The following TRABD2A variants were observed in gnomAD, a reference collection of about 807,000 sequenced individuals.
TRABD2A encodes the protein TraB domain containing 2A.
A neutral mutation model predicts 45.6 loss-of-function variants in TRABD2A; 43 were observed. That is an observed-to-expected ratio of 0.94 (90% CI 0.74 to 1.22). The LOEUF is 1.22. Ranked by LOEUF, TRABD2A falls within the 50% of genes most tolerant of loss-of-function variation. The pLI, the probability that TRABD2A is intolerant of heterozygous loss-of-function variation, is 0.00. For synonymous variants in TRABD2A, 269 were observed against 265.0 expected (o/e 1.02, Z -0.15); for missense variants, 642 against 652.4 (o/e 0.98, Z 0.17).
At chr2:84,874,936 G>A (rs189287846) in intron 1 of TRABD2A, 176 of 166,426 alleles carry the variant, frequency 1.1e-3, no homozygotes, top group Non-Finnish European at 8.9e-4. Flanking sequence ...GGTCGTCAAC[G>A]TTGCTCAACA....
intron 1 of TRABD2A, among the ~76,000 whole-genome samples, chr2:84,877,161 G>T (rs1467532847): frequency 2.6e-5 from 4 of 152,106 alleles, no homozygotes; most frequent in Non-Finnish European, 5.9e-5. Flanking sequence ...CAGGCTGAAA[G>T]AAGAGTCTTC....
At chr2:84,846,166 T>C (rs1681888668) in intron 2 of TRABD2A, among the ~76,000 whole-genome samples, 1 of 152,210 alleles carries the variant, frequency 6.6e-6, no homozygotes, top group Non-Finnish European at 1.5e-5. Context: ...CACTCTTCTT[T>C]TAAGGAAGTT....
chr2:84,844,400 G>A (rs960241343), intron 2 of TRABD2A, among the ~76,000 whole-genome samples: 5 of 152,078 alleles, frequency 3.3e-5, no homozygotes, highest in Admixed American at 6.5e-5. Context: ...TTCACCTTCC[G>A]CCATGATTGT....
At position 84,874,978 on chromosome 2, in the gene TRABD2A, T is replaced by C. The variant is rs867264007; in HGVS notation, c.109-4193A>G. 2.4e-5 allele frequency: 4 copies of C among 166,058 alleles called. No homozygotes were observed. The South Asian group carries it at 4.3e-4, about 18-fold the overall frequency. The allele number at this position is 166,058 out of a possible 1,614,324, so 10.3% of individuals were successfully genotyped here. ...TCACCAATCTTTAGCCAGAGAACTT[T>C]CTGGAACCATTAAAGAGATCCTGGG... On this transcript the variant is annotated intron_variant, in intron 1 of 6. Transcript: ENST00000409520.
At chr2:84,841,784 T>C in intron 3 of TRABD2A, 77 bp downstream of exon 3, 3 of 1,408,758 alleles carry the variant, frequency 2.1e-6, no homozygotes, top group Non-Finnish European at 2.8e-6. Flanking sequence ...GTACACAGGA[T>C]GTACATGTTG....
rs866105594 is a variant in TRABD2A at position 84,879,444 on chromosome 2, G to T, written c.108+1488C>A. 9 of 278,868 alleles carry T rather than the reference G, an allele frequency of 3.2e-5. No homozygotes were observed. The South Asian group carries it at 1.1e-3, about 34-fold the overall frequency. 17.3% of individuals were successfully genotyped at this position (278,868 alleles called of 1,614,324 possible). A position where few individuals can be genotyped will look rare whatever the true frequency, so the allele number is the denominator to read the frequency against. ...TGATCCACCGCCTTGGCCTCCCAAA[G>T]TGCTGGGATTACAGGAGTGAGCTAC... On this transcript the variant is annotated intron_variant, in intron 1 of 6. Transcript: ENST00000409520.
chr2:84,822,170 A>C, intron 6 of TRABD2A, 70 bp from the exon 7 acceptor site: 2 of 1,334,800 alleles, frequency 1.5e-6, no homozygotes, highest in Non-Finnish European at 2.0e-6. Flanking sequence ...AGGCCCCCAA[A>C]TGCCCACACA....
chr2:84,842,156 C>G (rs1438426070), intron 2 of TRABD2A, 149 bp from the exon 3 acceptor site: 1 of 800,236 alleles, frequency 1.2e-6, no homozygotes, highest in African/African-American at 1.7e-5. Flanking sequence ...ACACAAATCC[C>G]TGGACAGCAT....
intron 2 of TRABD2A, among the ~76,000 whole-genome samples, chr2:84,866,424 C>T (rs2105404806): frequency 6.6e-6 from 1 of 152,222 alleles, no homozygotes; most frequent in East Asian, 1.9e-4. Flanking sequence ...GCCCATATGC[C>T]TCTTATTTGC....
chr2:84,841,120 C>T (rs1681696626), intron 3 of TRABD2A, among the ~76,000 whole-genome samples: 1 of 152,232 alleles, frequency 6.6e-6, no homozygotes, highest in Non-Finnish European at 1.5e-5. Flanking sequence ...ACTCCCCTAC[C>T]TCAGAAGTTT....
At chr2:84,870,822 G>A (rs1441093357) in intron 1 of TRABD2A, 37 bp from the exon 2 acceptor site, 1 of 1,507,298 alleles carries the variant, frequency 6.6e-7, no homozygotes, top group South Asian at 1.3e-5. Context: ...GTATAATATG[G>A]GGGAGAGGCA....
chr2:84,870,648 G>T lies in TRABD2A; in HGVS notation c.246C>A (p.Ser82Arg), dbSNP rs1573954544. 5 of 1,611,956 alleles carry T rather than the reference G, an allele frequency of 3.1e-6. No individual in the cohort carries two copies. In the East Asian group the frequency reaches 1.1e-4, roughly 36 times the overall value. The change falls in exon 2 of 7, where the codon AGC becomes AGA. Residue 82 changes from serine to arginine, a missense_variant. Ser to Arg is a moderately radical substitution (Grantham distance 110, BLOSUM62 -1). Transcript: ENST00000409520. Reference sequence around the variant, plus strand: ...TGAGATCCAACTCAAAGTACACAATGCTGCTCTGCAGGAAAGCCTCCTTAG... The same window carrying T: ...TGAGATCCAACTCAAAGTACACAATTCTGCTCTGCAGGAAAGCCTCCTTAG... ...DNSKEAFLQS[S>R]IVYFELDLTD...
intron 4 of TRABD2A, 71 bp downstream of exon 4, chr2:84,839,078 T>C: frequency 6.4e-7 from 1 of 1,560,984 alleles, no homozygotes; most frequent in South Asian, 1.2e-5. Flanking sequence ...AAGCAGGGGC[T>C]CACCTCAACA....
intron 1 of TRABD2A, among the ~76,000 whole-genome samples, chr2:84,877,128 C>T (rs912923046): frequency 2.0e-5 from 3 of 152,178 alleles, no homozygotes; most frequent in African/African-American, 7.2e-5. Context: ...TCCTGCCCTA[C>T]CAGACATGTC....
intron 5 of TRABD2A, among the ~76,000 whole-genome samples, chr2:84,828,788 C>T (rs577998855): frequency 3.9e-5 from 6 of 152,274 alleles, no homozygotes; most frequent in South Asian, 2.1e-4. Flanking sequence ...GATCCTTGTC[C>T]GGAAGGCTCT....
rs575818482 is a variant in TRABD2A at position 84,852,370 on chromosome 2, C to T, written c.670-10363G>A. ...AAGAAGCACAACCAGCATGACCATG[C>T]GGTGGGGGATGGTTGCCAGAATGAC... On this transcript the variant is annotated intron_variant, in intron 2 of 6. Coordinates refer to ENST00000409520, the MANE Select transcript of TRABD2A (RefSeq NM_001277053.2). Among the ~76,000 whole-genome samples the T allele has an allele frequency of 1.8e-3, 272 of 152,032 alleles. 4 individuals are homozygous for T. The highest frequency in any genetic ancestry group is 6.2e-3 in the African/African-American group (257 of 41,454).
At chr2:84,879,780 C>G (rs539394291) in intron 1 of TRABD2A, among the ~76,000 whole-genome samples, 6 of 152,290 alleles carry the variant, frequency 3.9e-5, no homozygotes, top group African/African-American at 1.4e-4. Context: ...GAGGGCCGTC[C>G]GCAGCCCCGC....
chr2:84,838,188 A>C (rs1157759195), intron 4 of TRABD2A: 1 of 717,114 alleles, frequency 1.4e-6, no homozygotes, highest in South Asian at 1.5e-5. Context: ...TTAGGCAAAC[A>C]GTTTTCACAG....
intron 2 of TRABD2A, among the ~76,000 whole-genome samples, chr2:84,852,819 C>G (rs1682141883): frequency 6.6e-6 from 1 of 152,130 alleles, no homozygotes; most frequent in Non-Finnish European, 1.5e-5. Flanking sequence ...GGGCCAATGG[C>G]AAGACCAGAA....
Sources: gnomAD v4.1 joint callset for allele counts (sites outside exome capture counted in the v4.1 genomes callset) on GRCh38, gnomAD v4.1.1 for gene constraint, MANE v1.5 for transcripts, NCBI Gene and HGNC (gene_info 2026-07-23, HGNC 2026-07-21) for gene names.